MYH7B: variants seen among roughly 807,000 people sequenced by gnomAD.
The protein encoded by MYH7B is myosin heavy chain 7B.
In MYH7B, 205 loss-of-function variants were observed where a neutral mutation model predicts 234.5. The ratio of observed to expected loss-of-function variants is 0.87; its 90% CI spans 0.78 to 0.98. MYH7B has a LOEUF of 0.98. MYH7B is among the 50% of genes least tolerant of loss of function. MYH7B has a pLI of 0.00. For missense variants in MYH7B, 2,652 were observed against 2,633.4 expected (o/e 1.01, Z -0.15); for synonymous variants, 1,193 against 1,105.0 (o/e 1.08, Z -1.58).
rs1367716141 is a variant in MYH7B at position 34,997,386 on chromosome 20, G to A, written c.3493G>A (p.Ala1165Thr). ...GCTGGAGGAGGCAGGCGGCGCATCC[G>A]CGGGGCAGCGCGAGGGCTGCCGCAA... Residue 1165 changes from alanine (A) to threonine (T), a missense_variant, in exon 32 of 45, where the codon GCG (alanine) becomes ACG (threonine). Transcript: ENST00000262873. 5.3e-6 allele frequency: 8 copies of A among 1,510,996 alleles called. No individual in the cohort carries two copies. The highest frequency in any genetic ancestry group is 1.3e-5 in the South Asian group (1 of 79,762). The allele number at this position is 1,510,996 out of a possible 1,614,324, so 93.6% of individuals were successfully genotyped here.
intron 2 of MYH7B, 115 bp from the exon 3 acceptor site, chr20:34,975,285 A>G: frequency 2.2e-6 from 1 of 454,250 alleles, no homozygotes; most frequent in Non-Finnish European, 3.9e-6. Flanking sequence ...GCGCACTGTA[A>G]CCTCTGCCTC....
chr20:34,989,306 C>G lies in MYH7B; in HGVS notation c.1588-434C>G, dbSNP rs188989887. ...ATATTATGTCAGCACTGAAGACATT[C>G]ATCTTCCCACTCTGCAGGTTAGAAG... On this transcript the variant is annotated intron_variant, in intron 19 of 44. Transcript: ENST00000262873. Among the ~76,000 whole-genome samples, 127 of 152,350 alleles carry G rather than the reference C, an allele frequency of 8.3e-4. 1 individual carries two copies. Among genetic ancestry groups the G allele is most frequent in the South Asian group, 6.2e-3 (30 of 4,828 alleles).
rs569774219 is a variant in MYH7B, at chr20:34,970,949, C to A, written c.-221-4451C>A. On this transcript the variant is annotated intron_variant, in intron 2 of 44. Transcript: ENST00000262873. The stretch of plus-strand genomic sequence containing the variant: ...CAGGGCCTGAGCCACAGGTTGAACT[C>A]AAGGATGCGGCATGTCAGAGACCTG... Among the ~76,000 whole-genome samples, 31 of 152,222 alleles carry A rather than the reference C, an allele frequency of 2.0e-4. No homozygotes were observed. The South Asian group carries it at 5.8e-3, about 29-fold the overall frequency.
rs775777163 is a variant in MYH7B at position 34,985,146 on chromosome 20, C to A, written c.805+17C>A. ...TTGACAGCTGTGAGTCAACCCCCTG[C>A]GGGCGGTGCAGGGGAAGGAGGCCTG... On this transcript the variant is annotated intron_variant, in intron 13 of 44. Coordinates refer to ENST00000262873, the Ensembl canonical transcript of MYH7B. 5 of 1,612,914 alleles carry A rather than the reference C, an allele frequency of 3.1e-6. 1 individual carries two copies. In the South Asian group the frequency reaches 3.3e-5, roughly 11 times the overall value.
exon 34 of MYH7B, chr20:34,998,518 G>C: frequency 6.2e-7 from 1 of 1,613,506 alleles, no homozygotes; most frequent in South Asian, 1.1e-5. Flanking sequence ...CAGGGGAGCT[G>C]AGTCGCCTGC....
chr20:34,966,159 A>G (rs540432051), intron 2 of MYH7B, among the ~76,000 whole-genome samples: 1 of 152,304 alleles, frequency 6.6e-6, no homozygotes, highest in South Asian at 2.1e-4. Context: ...TGACTCCCAG[A>G]TGGGTTGGAG....
intron 2 of MYH7B, among the ~76,000 whole-genome samples, chr20:34,961,081 T>C (rs1223736778): frequency 6.6e-6 from 1 of 152,142 alleles, no homozygotes; most frequent in Non-Finnish European, 1.5e-5. Flanking sequence ...TCAGAGACCT[T>C]CTACTAACAG....
chr20:34,999,329 C>T, exon 36 of MYH7B: 1 of 1,566,718 alleles, frequency 6.4e-7, no homozygotes, highest in Admixed American at 1.9e-5. Context: ...GCACCGAGCT[C>T]TTCCGGCTGC....
exon 39 of MYH7B, chr20:35,000,544 C>T (rs1340118425): frequency 1.1e-5 from 18 of 1,585,418 alleles, no homozygotes; most frequent in South Asian, 5.6e-5. Flanking sequence ...CACGAGCAGG[C>T]GCAGGCTCTG....
At chr20:34,995,602 G>A (rs751525187) in intron 28 of MYH7B, 24 bp downstream of exon 28, 1 of 1,611,984 alleles carries the variant, frequency 6.2e-7, no homozygotes, top group Non-Finnish European at 8.5e-7. Flanking sequence ...CAGCTGTGGG[G>A]AAGGGCCCTG....
Position 34,986,240 on chromosome 20 carries a change from G to A in MYH7B, c.904+42G>A, listed in dbSNP as rs568757778. The A allele has an allele frequency of 3.3e-5, 50 of 1,506,608 alleles. No individual in the cohort carries two copies. The South Asian group carries it at 5.5e-4, about 17-fold the overall frequency. The allele number at this position is 1,506,608 out of a possible 1,614,324, so 93.3% of individuals were successfully genotyped here. On this transcript the variant is annotated intron_variant, in intron 14 of 44. Coordinates refer to ENST00000262873, the Ensembl canonical transcript of MYH7B. ...TGAAGGGGGTGGGAGTCAGAACCTGGAGGGGCTGCCTGGCGCTTCCTGGCC... is the reference window on the plus strand; with the variant it reads ...TGAAGGGGGTGGGAGTCAGAACCTGAAGGGGCTGCCTGGCGCTTCCTGGCC...
chr20:34,997,460 G>A (rs373744990), exon 32 of MYH7B: 17 of 1,496,294 alleles, frequency 1.1e-5, no homozygotes, highest in Admixed American at 2.2e-5. Context: ...AGGAGGCGGC[G>A]CTGCGGCACG....
chr20:34,988,480 A>G (rs2082076929), intron 19 of MYH7B, among the ~76,000 whole-genome samples: 1 of 152,128 alleles, frequency 6.6e-6, no homozygotes, highest in Non-Finnish European at 1.5e-5. Flanking sequence ...GTTGACCATG[A>G]GTGAGCCTTG....
At chr20:34,994,082 T>C (rs2147220855) in intron 26 of MYH7B, 64 bp from the exon 27 acceptor site, 1 of 1,585,064 alleles carries the variant, frequency 6.3e-7, no homozygotes, top group Admixed American at 1.7e-5. Flanking sequence ...TGAACTGTGC[T>C]GAGTGTCACC....
At chr20:34,964,710 G>A (rs1379564381) in intron 2 of MYH7B, among the ~76,000 whole-genome samples, 1 of 152,168 alleles carries the variant, frequency 6.6e-6, no homozygotes, top group Non-Finnish European at 1.5e-5. Flanking sequence ...CTTGAGACCA[G>A]GAGATAGAGA....
At chr20:34,997,128 G>A (rs1451326211) in exon 31 of MYH7B, 16 of 1,549,202 alleles carry the variant, frequency 1.0e-5, no homozygotes, top group Non-Finnish European at 1.4e-5. Flanking sequence ...TGGAAGACGA[G>A]CAGCTCTTGG....
chr20:34,969,646 G>A (rs1447743713), intron 2 of MYH7B, among the ~76,000 whole-genome samples: 1 of 148,494 alleles, frequency 6.7e-6, no homozygotes, highest in Non-Finnish European at 1.5e-5. Flanking sequence ...CTGGGCTCAA[G>A]CAGTCCTCCT....
chr20:34,986,165 C>A, exon 14 of MYH7B: 1 of 1,598,654 alleles, frequency 6.3e-7, no homozygotes, highest in Non-Finnish European at 8.5e-7. Flanking sequence ...TGTCTACTAC[C>A]AGATCCTCTC....
chr20:34,999,378 C>T lies in MYH7B; in HGVS notation c.4513C>T (p.Leu1505Phe), dbSNP rs1239688916. ...GGAGGCACTTGAAGCCCTGGAGACG[C>T]TCAAGCGGGAGAACAAGAACCTGCA... Residue 1505 changes from leucine (L) to phenylalanine (F), a missense_variant, in exon 36 of 45, where the codon CTC becomes TTC. Physicochemically the swap from Leu to Phe is conservative, Grantham distance 22. Transcript: ENST00000262873. 2 of 1,527,296 alleles carry T rather than the reference C, an allele frequency of 1.3e-6. No homozygotes were observed. Among genetic ancestry groups the T allele is most frequent in the South Asian group, 1.3e-5 (1 of 77,826 alleles). 94.6% of individuals were successfully genotyped at this position (1,527,296 alleles called of 1,614,324 possible). A position where few individuals can be genotyped will look rare whatever the true frequency, so the allele number is the denominator to read the frequency against.
Sources: allele counts gnomAD v4.1 joint callset (sites outside exome capture counted in the v4.1 genomes callset), GRCh38; gene constraint gnomAD v4.1.1; transcripts MANE v1.5; gene names NCBI Gene and HGNC (gene_info 2026-07-23, HGNC 2026-07-21).